Variants in IL1RAPL1 observed in about 807,000 individuals in gnomAD.
IL1RAPL1 encodes interleukin 1 receptor accessory protein like 1.
A neutral mutation model predicts 48.4 loss-of-function variants in IL1RAPL1; 3 were observed. The observed-to-expected ratio is 0.06, with a 90% CI of 0.03 to 0.16. IL1RAPL1 has a LOEUF of 0.16. IL1RAPL1 is among the 10% of genes least tolerant of loss of function. The probability of loss-of-function intolerance (pLI) is 1.00; values close to 1 mark genes in which losing one functional copy is unlikely to be tolerated. For missense variants in IL1RAPL1, 349 were observed against 530.6 expected (o/e 0.66, Z 3.36); for synonymous variants, 185 against 187.7 (o/e 0.99, Z 0.12).
chrX:29,028,109 A>G (rs1430846668), intron 2 of IL1RAPL1, among the ~76,000 whole-genome samples: 1 of 110,354 alleles, frequency 9.1e-6, no homozygotes, highest in East Asian at 2.8e-4. Flanking sequence ...GAAAACACTT[A>G]AAGTCTATTC....
intron 3 of IL1RAPL1, among the ~76,000 whole-genome samples, chrX:29,390,004 C>T (rs1442798443): frequency 8.9e-6 from 1 of 111,978 alleles, no homozygotes; most frequent in African/African-American, 3.2e-5. Context: ...AAGAGAGGGA[C>T]ACATGCATAG....
chrX:28,645,637 A>G (rs752934266), intron 1 of IL1RAPL1, among the ~76,000 whole-genome samples: 1 of 111,435 alleles, frequency 9.0e-6, no homozygotes, highest in African/African-American at 3.3e-5. Context: ...TATATGAAAG[A>G]TTAATGTAAG....
At chrX:28,947,460 T>A (rs1262550239) in intron 2 of IL1RAPL1, among the ~76,000 whole-genome samples, 1 of 110,934 alleles carries the variant, frequency 9.0e-6, no homozygotes, top group East Asian at 2.8e-4. Flanking sequence ...AAACTTACTG[T>A]TTAGCCACTG....
intron 6 of IL1RAPL1, among the ~76,000 whole-genome samples, chrX:29,837,272 A>AAAAATATAT (rs1447926305): frequency 1.4e-5 from 1 of 72,146 alleles, no homozygotes; most frequent in African/African-American, 5.9e-5. Context: ...AAAAAAAAAA[A>AAAAATATAT]ATATATATAT....
At chrX:29,346,238 C>G (rs746374318) in intron 3 of IL1RAPL1, among the ~76,000 whole-genome samples, 1 of 112,489 alleles carries the variant, frequency 8.9e-6, no homozygotes, top group Non-Finnish European at 1.9e-5. Flanking sequence ...GTAATCACAT[C>G]AACAATCTCC....
At chrX:29,539,349 A>G (rs1346585873) in intron 5 of IL1RAPL1, among the ~76,000 whole-genome samples, 1 of 111,983 alleles carries the variant, frequency 8.9e-6, no homozygotes, top group African/African-American at 3.3e-5. Context: ...AGCTTTCAAT[A>G]AAACCCAATA....
intron 5 of IL1RAPL1, among the ~76,000 whole-genome samples, chrX:29,615,720 TA>T (rs1362378374): frequency 1.8e-5 from 2 of 112,184 alleles, no homozygotes; most frequent in African/African-American, 6.5e-5. Flanking sequence ...CAATCCAAAT[TA>T]AGCTGAAGAA....
intron 5 of IL1RAPL1, among the ~76,000 whole-genome samples, chrX:29,629,661 G>A (rs1296234485): frequency 8.9e-6 from 1 of 112,169 alleles, no homozygotes; most frequent in Admixed American, 9.4e-5. Context: ...CTGAAGAAAT[G>A]CATTTAGTTC....
At chrX:28,779,630 GTGTGTATATATATATATATATA>G (rs1177458077) in intron 1 of IL1RAPL1, among the ~76,000 whole-genome samples, 10 of 61,142 alleles carry the variant, frequency 1.6e-4, no homozygotes, top group South Asian at 9.3e-4. Context: ...GTGTGTGTGT[GTGTGTATATATATATATATATA>G]TATATATATA....
chrX:29,276,682 G>GT (rs199985495), intron 2 of IL1RAPL1, among the ~76,000 whole-genome samples: 81 of 109,711 alleles, frequency 7.4e-4, no homozygotes, highest in Middle Eastern at 4.7e-3. Context: ...GCTAAATGAG[G>GT]TTTTTTTTTC....
chrX:28,616,088 G>A (rs1036555375), intron 1 of IL1RAPL1, among the ~76,000 whole-genome samples: 3 of 112,395 alleles, frequency 2.7e-5, no homozygotes, highest in African/African-American at 9.7e-5. Context: ...ACTCCCCCAG[G>A]GGATTTGACA....
intron 2 of IL1RAPL1, among the ~76,000 whole-genome samples, chrX:28,913,440 A>G (rs1240457915): frequency 8.9e-6 from 1 of 112,043 alleles, no homozygotes; most frequent in Non-Finnish European, 1.9e-5. Flanking sequence ...TTCAGTTTCA[A>G]TGTAAGCATT....
chrX:29,341,736 T>C (rs1192285103), intron 3 of IL1RAPL1, among the ~76,000 whole-genome samples: 1 of 111,452 alleles, frequency 9.0e-6, no homozygotes. Context: ...AGAGCAACCT[T>C]AGGATTGAAA....
intron 6 of IL1RAPL1, among the ~76,000 whole-genome samples, chrX:29,711,470 AC>A (rs1927353848): frequency 1.8e-5 from 2 of 111,172 alleles, no homozygotes; most frequent in African/African-American, 6.5e-5. Context: ...GGTGTGAGCC[AC>A]CGCGCCTAGC....
At chrX:29,849,974 A>G (rs113523294) in intron 6 of IL1RAPL1, among the ~76,000 whole-genome samples, 4,913 of 111,427 alleles carry the variant, frequency 0.044, 274 homozygotes, top group African/African-American at 0.15. Context: ...TCTTTTACAG[A>G]TTTCTCTTCC....
At position 29,588,455 on chromosome X, in the gene IL1RAPL1, C is replaced by A. The variant is rs143287208; in HGVS notation, c.704-79975C>A. 6.0e-3 allele frequency among the ~76,000 whole-genome samples: 676 copies of A among 112,259 alleles called. 4 individuals carry two copies. Among genetic ancestry groups the A allele is most frequent in the African/African-American group, 0.021 (651 of 30,909 alleles). On this transcript the variant is annotated intron_variant, in intron 5 of 10. Coordinates refer to ENST00000378993, the MANE Select transcript of IL1RAPL1 (RefSeq NM_014271.4). ...GCAACTTAAACTTGAAGTATTTTTA[C>A]CACTGAAATAGTCTAGAAGCTGTTC... is the stretch of plus-strand genomic sequence containing the variant.
At chrX:29,672,397 T>A in intron 6 of IL1RAPL1, among the ~76,000 whole-genome samples, 1 of 111,612 alleles carries the variant, frequency 9.0e-6, no homozygotes, top group Middle Eastern at 4.7e-3. Flanking sequence ...AACATAAAAC[T>A]CTTAAAGATC....
chrX:29,832,737 C>T (rs1284027435), intron 6 of IL1RAPL1, among the ~76,000 whole-genome samples: 3 of 99,441 alleles, frequency 3.0e-5, no homozygotes, highest in African/African-American at 1.1e-4. Flanking sequence ...CAAAGGGACA[C>T]ACACACACTG....
At chrX:29,941,965 A>G (rs932593113) in intron 9 of IL1RAPL1, among the ~76,000 whole-genome samples, 171 bp downstream of exon 9, 1 of 112,312 alleles carries the variant, frequency 8.9e-6, no homozygotes, top group Admixed American at 9.4e-5. Flanking sequence ...GATGCTTTAT[A>G]GCCAATACTG....
Sources: allele counts gnomAD v4.1 joint callset (sites outside exome capture counted in the v4.1 genomes callset), GRCh38; gene constraint gnomAD v4.1.1; transcripts MANE v1.5; gene names NCBI Gene and HGNC (gene_info 2026-07-23, HGNC 2026-07-21).